Variants in DAB1 observed in about 807,000 individuals in gnomAD.
DAB1 encodes the protein DAB adaptor protein 1.
Under a neutral mutation model 64.6 loss-of-function variants are expected in DAB1, and 15 were observed. The observed-to-expected ratio is 0.23, with a 90% CI of 0.16 to 0.36. The LOEUF is 0.36. Ranked by LOEUF, DAB1 falls within the 10% of genes least tolerant of loss-of-function variation. The probability of loss-of-function intolerance (pLI) is 1.00; values close to 1 mark genes in which losing one functional copy is unlikely to be tolerated. For synonymous variants in DAB1, 235 were observed against 251.9 expected (o/e 0.93, Z 0.64); for missense variants, 596 against 706.7 (o/e 0.84, Z 1.78).
At chr1:57,956,838 G>GACC (rs1645404207) in intron 5 of DAB1, among the ~76,000 whole-genome samples, 1 of 152,214 alleles carries the variant, frequency 6.6e-6, no homozygotes, top group Non-Finnish European at 1.5e-5. Flanking sequence ...GTCTAGTTAG[G>GACC]ACCATCTTGG....
chr1:57,232,279 G>A (rs1667733248), intron 2 of DAB1, among the ~76,000 whole-genome samples: 2 of 102,156 alleles, frequency 2.0e-5, no homozygotes, highest in East Asian at 3.5e-4. Flanking sequence ...CAAAGGCAGT[G>A]GCCACTTTTT....
chr1:57,775,936 A>G (rs547580908), intron 6 of DAB1, among the ~76,000 whole-genome samples: 14 of 151,720 alleles, frequency 9.2e-5, no homozygotes, highest in African/African-American at 3.4e-4. Flanking sequence ...TGATATCTTT[A>G]TGTTTTTATA....
intron 7 of DAB1, among the ~76,000 whole-genome samples, chr1:57,503,588 G>C (rs1028183047): frequency 2.0e-5 from 3 of 152,182 alleles, no homozygotes; most frequent in Non-Finnish European, 4.4e-5. Context: ...CATACTCTAA[G>C]ACTTAGTCTC....
intron 5 of DAB1, among the ~76,000 whole-genome samples, chr1:58,146,229 G>T (rs956161045): frequency 6.6e-6 from 1 of 152,084 alleles, no homozygotes; most frequent in Admixed American, 6.6e-5. Flanking sequence ...TTGACTTCAT[G>T]GGGGGTTGGC....
At chr1:57,113,011 A>T (rs1348285459) in intron 4 of DAB1, among the ~76,000 whole-genome samples, 2 of 152,200 alleles carry the variant, frequency 1.3e-5, no homozygotes, top group Non-Finnish European at 2.9e-5. Flanking sequence ...AGGCAAGAGG[A>T]ACATACCACT....
intron 7 of DAB1, among the ~76,000 whole-genome samples, chr1:57,505,949 G>C (rs1300443761): frequency 6.6e-6 from 1 of 152,194 alleles, no homozygotes. Context: ...AAGATTACAG[G>C]CATGAGCCAC....
chr1:57,557,654 A>G (rs1446683152), intron 7 of DAB1, among the ~76,000 whole-genome samples: 1 of 152,182 alleles, frequency 6.6e-6, no homozygotes, highest in African/African-American at 2.4e-5. Flanking sequence ...TATTTCTAAT[A>G]GTATGGAGAA....
At chr1:57,574,790 G>A (rs967858046) in intron 7 of DAB1, among the ~76,000 whole-genome samples, 12 of 152,150 alleles carry the variant, frequency 7.9e-5, no homozygotes, top group Non-Finnish European at 1.6e-4. Context: ...GGTTGGCTTG[G>A]CTCAAGAACT....
At chr1:58,343,077 C>T (rs17117374) in intron 4 of DAB1, among the ~76,000 whole-genome samples, 18,183 of 152,164 alleles carry the variant, frequency 0.12, 1,105 homozygotes, top group Non-Finnish European at 0.13. Context: ...CAGTAGTCTC[C>T]TATTTGTCTC....
At chr1:57,304,934 A>G (rs1674003807) in intron 1 of DAB1, among the ~76,000 whole-genome samples, 1 of 152,174 alleles carries the variant, frequency 6.6e-6, no homozygotes, top group Non-Finnish European at 1.5e-5. Flanking sequence ...TCAGGTCAGC[A>G]TCCTTATGTG....
At chr1:58,128,541 C>T (rs1275762018) in intron 5 of DAB1, among the ~76,000 whole-genome samples, 2 of 133,452 alleles carry the variant, frequency 1.5e-5, no homozygotes, top group African/African-American at 2.9e-5. Context: ...TGCCAGTTTT[C>T]AAAGGGAATG....
chr1:57,591,504 G>T (rs549630934), intron 7 of DAB1, among the ~76,000 whole-genome samples: 39 of 152,222 alleles, frequency 2.6e-4, no homozygotes, highest in Non-Finnish European at 5.3e-4. Flanking sequence ...TTCTGACTGG[G>T]GTCAGTGTAT....
intron 4 of DAB1, among the ~76,000 whole-genome samples, chr1:57,128,176 TA>T (rs2100772787): frequency 6.6e-6 from 1 of 150,732 alleles, no homozygotes; most frequent in East Asian, 1.9e-4. Flanking sequence ...AATAAATAAA[TA>T]AATAAATAAA....
At chr1:57,885,696 G>T (rs1224138268), upstream of DAB1, among the ~76,000 whole-genome samples, 1 of 152,186 alleles carries the variant, frequency 6.6e-6, no homozygotes, top group Non-Finnish European at 1.5e-5. Flanking sequence ...TAGAAAGTCA[G>T]AGCTGCAAAA....
intron 14 of DAB1, among the ~76,000 whole-genome samples, chr1:57,004,952 C>G (rs1284041641): frequency 6.6e-6 from 1 of 152,184 alleles, no homozygotes; most frequent in Admixed American, 6.5e-5. Flanking sequence ...CATGAAGTAT[C>G]TTAAATGCTG....
intron 4 of DAB1, among the ~76,000 whole-genome samples, chr1:58,298,198 T>C (rs1161777993): frequency 6.6e-6 from 1 of 152,200 alleles, no homozygotes; most frequent in Admixed American, 6.5e-5. Context: ...ATGGGTGCTA[T>C]GAATACTATA....
chr1:58,411,603 T>C (rs1644669548), intron 3 of DAB1, among the ~76,000 whole-genome samples: 1 of 152,152 alleles, frequency 6.6e-6, no homozygotes, highest in African/African-American at 2.4e-5. Flanking sequence ...AGAGAACTAC[T>C]TTAGTATGAG....
intron 1 of DAB1, among the ~76,000 whole-genome samples, chr1:57,387,834 AAAAAAG>A (rs1298804704): frequency 6.6e-6 from 1 of 150,568 alleles, no homozygotes; most frequent in Non-Finnish European, 1.5e-5. Context: ...AAAAAAAAAA[AAAAAAG>A]AGAGAGAAAA....
chr1:57,748,963 A>AT (rs908960008), intron 6 of DAB1, among the ~76,000 whole-genome samples: 8 of 152,196 alleles, frequency 5.3e-5, no homozygotes, highest in African/African-American at 1.9e-4. Context: ...CATAAAATGC[A>AT]TTTTTGGGAA....
Sources: gnomAD v4.1 joint callset for allele counts (sites outside exome capture counted in the v4.1 genomes callset) on GRCh38, gnomAD v4.1.1 for gene constraint, MANE v1.5 for transcripts, NCBI Gene and HGNC (gene_info 2026-07-23, HGNC 2026-07-21) for gene names.